Variants in COPS6 observed in about 807,000 individuals in gnomAD.
COPS6 encodes the protein COP9 signalosome subunit 6.
COPS6 carries 9 observed loss-of-function variants against 41.0 expected under a neutral mutation model. The ratio of observed to expected loss-of-function variants is 0.22; its 90% CI spans 0.13 to 0.38. COPS6 has a LOEUF of 0.38. Among genes scored for constraint, COPS6 ranks in the 10% least tolerant of loss-of-function variants. The probability of loss-of-function intolerance (pLI) is 1.00; values close to 1 mark genes in which losing one functional copy is unlikely to be tolerated. For missense variants in COPS6, 302 were observed against 436.7 expected (o/e 0.69, Z 2.75); for synonymous variants, 179 against 162.9 (o/e 1.10, Z -0.75).
At position 100,091,919 on chromosome 7, in the gene COPS6, C is replaced by T. The variant is rs889128097; in HGVS notation, c.*130C>T. Reference sequence around the variant, plus strand: ...AGCCCCTGAGCACCCCTGCTGGTGGCTCTGTCCTCTGTTAGGCACCACACT... The same window carrying T: ...AGCCCCTGAGCACCCCTGCTGGTGGTTCTGTCCTCTGTTAGGCACCACACT... On this transcript the variant is annotated 3_prime_UTR_variant, in exon 10 of 10. Coordinates refer to ENST00000303904, the MANE Select transcript of COPS6 (RefSeq NM_006833.5). This position sits in a 1 kb window ranked among gnomAD's most constrained non-coding sequence, Gnocchi z 4.1. 2 of 1,176,014 alleles carry T rather than the reference C, an allele frequency of 1.7e-6. No homozygotes were observed. Among genetic ancestry groups the T allele is most frequent in the African/African-American group, 1.5e-5 (1 of 65,460 alleles). 72.8% of individuals were successfully genotyped at this position (1,176,014 alleles called of 1,614,324 possible).
In COPS6 at chr7:100,089,689, A is replaced by G. The variant is rs565974418; in HGVS notation, c.277A>G (p.Thr93Ala). 6.2e-7 allele frequency: 1 copy of G among 1,613,962 alleles called. No homozygotes were observed. Among genetic ancestry groups the G allele is most frequent in the Admixed American group, 1.7e-5 (1 of 60,002 alleles). ...GAACTCCTTTGAGCTGCTGTCCCAC[A>G]CCGTGGAAGAGAAGATTATCATTGA... is the stretch of plus-strand genomic sequence containing the variant. ...VMNSFELLSHTVEEKIIIDKE... is the reference protein window; with the variant it reads ...VMNSFELLSHAVEEKIIIDKE... Residue 93 changes from threonine to alanine, a missense_variant, in exon 3 of 10, where the codon ACC becomes GCC. By Grantham distance (58) the Thr-to-Ala change is moderately conservative. Transcript: ENST00000303904.
At position 100,089,728 on chromosome 7, in the gene COPS6, T is replaced by C; in HGVS notation, c.316T>C (p.Tyr106His). Residue 106 changes from tyrosine to histidine, a missense_variant, in exon 3 of 10, where the codon TAC (tyrosine) becomes CAC (histidine). This residue lies in a region of COPS6 where 222 missense variants were observed against 309.0 expected (regional missense o/e 0.72). Transcript: ENST00000303904. ...GATTATCATTGACAAGGAATATTATTACACCAAGGAGGAGCAGTGTGAGAG... is the reference window on the plus strand; with the variant it reads ...GATTATCATTGACAAGGAATATTATCACACCAAGGAGGAGCAGTGTGAGAG... ...EKIIIDKEYY[Y>H]TKEEQFKQVF... The C allele has an allele frequency of 6.2e-7, 1 of 1,613,698 alleles. No homozygotes were observed. Among genetic ancestry groups the C allele is most frequent in the East Asian group, 2.2e-5 (1 of 44,864 alleles).
intron 3 of COPS6, chr7:100,089,979 C>T (rs1795288004): frequency 2.1e-6 from 1 of 475,112 alleles, no homozygotes; most frequent in South Asian, 2.6e-5. Flanking sequence ...CTAAACTGAG[C>T]CAGGATTTGA....
rs201649220 is a variant in COPS6, at chr7:100,091,139, A to C, written c.636A>C (p.Gly212=). ...HVARMTATGS[G]ENSTVAEHLI... ...CCCGAATGACAGCAACAGGCAGTGGAGAGAACTCCACTGGTAATGGAGGGG... is the reference window on the plus strand; with the variant it reads ...CCCGAATGACAGCAACAGGCAGTGGCGAGAACTCCACTGGTAATGGAGGGG... The change falls in exon 7 of 10, where the codon GGA becomes GGC. Residue 212 remains glycine, a synonymous_variant. Transcript: ENST00000303904. This position sits in a 1 kb window ranked among gnomAD's most constrained non-coding sequence, Gnocchi z 4.1. The C allele has an allele frequency of 7.6e-4, 1,220 of 1,614,192 alleles. 17 individuals carry two copies. In the South Asian group the frequency reaches 0.012, roughly 16 times the overall value.
intron 3 of COPS6, 160 bp from the exon 4 acceptor site, chr7:100,090,239 G>T: frequency 1.6e-6 from 1 of 612,780 alleles, no homozygotes; most frequent in Non-Finnish European, 2.9e-6. Context: ...TCCCAGCTAC[G>T]CGGGATGCTG....
Position 100,088,982 on chromosome 7 carries a change from G to T in COPS6, c.-9G>T. The T allele has an allele frequency of 7.6e-7, 1 of 1,315,042 alleles. No individual in the cohort carries two copies. Among genetic ancestry groups the T allele is most frequent in the Non-Finnish European group, 9.7e-7 (1 of 1,029,556 alleles). The allele number at this position is 1,315,042 out of a possible 1,614,324, so 81.5% of individuals were successfully genotyped here. A position where few individuals can be genotyped will look rare whatever the true frequency, so the allele number is the denominator to read the frequency against. ...GGGGGCGGGGCCGAGGCTGGCGGGC[G>T]CGGGGAAAATGGCGGCGGCGGCGGC... On this transcript the variant is annotated 5_prime_UTR_variant, in exon 1 of 10. Transcript: ENST00000303904.
chr7:100,089,172 C>A (rs1795276122), intron 1 of COPS6, 106 bp downstream of exon 1: 4 of 1,514,420 alleles, frequency 2.6e-6, no homozygotes, highest in South Asian at 2.6e-5. Flanking sequence ...CAACATCTTT[C>A]CCTGGGATAA....
At position 100,090,906 on chromosome 7, in the gene COPS6, C is replaced by T. The variant is rs1326114411; in HGVS notation, c.491C>T (p.Pro164Leu). Residue 164 changes from proline (P) to leucine (L), a missense_variant, in exon 6 of 10, where the codon CCT (proline) becomes CTT (leucine). By Grantham distance (98) the Pro-to-Leu change is moderately conservative (BLOSUM62 -3). This residue lies in a region of COPS6 where 222 missense variants were observed against 309.0 expected (regional missense o/e 0.72). Coordinates refer to ENST00000303904, the MANE Select transcript of COPS6 (RefSeq NM_006833.5). ...LNPMTKHTDL[P>L]VSVFESVIDI... Reference sequence around the variant, plus strand: ...GTTTCTCCGTCTCCTTCACAGCTTCCTGTCAGCGTTTTTGAGTCTGTCATT... The same window carrying T: ...GTTTCTCCGTCTCCTTCACAGCTTCTTGTCAGCGTTTTTGAGTCTGTCATT... 1 of 1,614,228 alleles carries T rather than the reference C, an allele frequency of 6.2e-7. No individual in the cohort carries two copies. Among genetic ancestry groups the T allele is most frequent in the Non-Finnish European group, 8.5e-7 (1 of 1,180,036 alleles).
Position 100,089,759 on chromosome 7 carries a change from T to C in COPS6, c.334+13T>C, listed in dbSNP as rs942257956. On this transcript the variant is annotated intron_variant, in intron 3 of 9. Coordinates refer to ENST00000303904, the MANE Select transcript of COPS6 (RefSeq NM_006833.5). ...AAGGAGGAGCAGTGTGAGAGTGGAA[T>C]AGATGTGGGGAAGAGGAGTGGGAGT... 4 of 1,611,606 alleles carry C rather than the reference T, an allele frequency of 2.5e-6. No homozygotes were observed. The highest frequency in any genetic ancestry group is 1.3e-5 in the African/African-American group (1 of 74,360).
chr7:100,091,936 C>A lies in COPS6; in HGVS notation c.*147C>A. 2 of 985,472 alleles carry A rather than the reference C, an allele frequency of 2.0e-6. No individual in the cohort carries two copies. The highest frequency in any genetic ancestry group is 3.0e-6 in the Non-Finnish European group (2 of 672,726). The allele number at this position is 985,472 out of a possible 1,614,324, so 61.0% of individuals were successfully genotyped here. On this transcript the variant is annotated 3_prime_UTR_variant, in exon 10 of 10. Transcript: ENST00000303904. The surrounding 1 kb of genome is among the most constrained non-coding windows in gnomAD (Gnocchi z 4.1). ...GCTGGTGGCTCTGTCCTCTGTTAGG[C>A]ACCACACTGGTTGGTCAACTTGGAT... is the stretch of plus-strand genomic sequence containing the variant.
chr7:100,089,459 T>A (rs1460794690), intron 2 of COPS6, 44 bp downstream of exon 2: 1 of 1,611,146 alleles, frequency 6.2e-7, no homozygotes, highest in African/African-American at 1.3e-5. Context: ...CTTGCTCACC[T>A]CCCCCAGGCA....
rs1338964142 is a variant in COPS6 at position 100,091,232 on chromosome 7, T to G, written c.650-6T>G. The G allele has an allele frequency of 6.2e-7, 1 of 1,614,226 alleles. No homozygotes were observed. The highest frequency in any genetic ancestry group is 8.5e-7 in the Non-Finnish European group (1 of 1,180,020). Reference sequence around the variant, plus strand: ...TCAACCTCCTCCTGTCCTCATCCCCTTGCAGTGGCTGAACACCTGATAGCA... The same window carrying G: ...TCAACCTCCTCCTGTCCTCATCCCCGTGCAGTGGCTGAACACCTGATAGCA... On this transcript the variant is annotated splice_polypyrimidine_tract_variant and splice_region_variant and intron_variant, in intron 7 of 9. Transcript: ENST00000303904. The surrounding 1 kb of genome is among the most constrained non-coding windows in gnomAD (Gnocchi z 4.1).
intron 3 of COPS6, 169 bp downstream of exon 3, chr7:100,089,915 T>C (rs996504293): frequency 2.0e-5 from 13 of 643,080 alleles, no homozygotes; most frequent in Middle Eastern, 8.5e-4. Flanking sequence ...TCAGAGTTCT[T>C]TCTCAAAAGA....
At chr7:100,090,803 C>G in intron 5 of COPS6, 99 bp from the exon 6 acceptor site, 1 of 1,491,638 alleles carries the variant, frequency 6.7e-7, no homozygotes, top group Non-Finnish European at 9.3e-7. Flanking sequence ...GAGGTAATCC[C>G]TACTTCATTG....
At chr7:100,090,035 T>C (rs1795288652) in intron 3 of COPS6, 2 of 437,758 alleles carry the variant, frequency 4.6e-6, no homozygotes, top group East Asian at 9.0e-5. Flanking sequence ...AGCTTCACAT[T>C]GAGGAAGGAT....
At position 100,091,613 on chromosome 7, in the gene COPS6, G is replaced by T. The variant is rs901953261; in HGVS notation, c.844-36G>T. 2.5e-6 allele frequency: 4 copies of T among 1,613,818 alleles called. No homozygotes were observed. Among genetic ancestry groups the T allele is most frequent in the Admixed American group, 3.3e-5 (2 of 59,996 alleles). On this transcript the variant is annotated intron_variant, in intron 9 of 9. Coordinates refer to ENST00000303904, the MANE Select transcript of COPS6 (RefSeq NM_006833.5). This position sits in a 1 kb window ranked among gnomAD's most constrained non-coding sequence, Gnocchi z 4.1. ...GTTGTTCCCCGGGCATGCCACGAGG[G>T]ATCCCGAGGAACTGGTCCTTTCTGT...
chr7:100,089,214 C>G, intron 1 of COPS6, 76 bp from the exon 2 acceptor site: 1 of 1,544,340 alleles, frequency 6.5e-7, no homozygotes, highest in East Asian at 2.3e-5. Flanking sequence ...CCGGGCTCCG[C>G]CGTCCCCCAC....
In COPS6 at chr7:100,091,873, T is replaced by G; in HGVS notation, c.*84T>G. ...ACTACACTTCCTTGAGAGAAACCGC[T>G]GTCATTAATAAAAGGGGAGCAGCCC... is the stretch of plus-strand genomic sequence containing the variant. On this transcript the variant is annotated 3_prime_UTR_variant, in exon 10 of 10. Coordinates refer to ENST00000303904, the MANE Select transcript of COPS6 (RefSeq NM_006833.5). This position sits in a 1 kb window ranked among gnomAD's most constrained non-coding sequence, Gnocchi z 4.1. 5 of 1,567,328 alleles carry G rather than the reference T, an allele frequency of 3.2e-6. No individual in the cohort carries two copies. Among genetic ancestry groups the G allele is most frequent in the Non-Finnish European group, 4.4e-6 (5 of 1,145,806 alleles).
In COPS6 at chr7:100,091,583, G is replaced by C. The variant is rs1795321035; in HGVS notation, c.843+63G>C. 1 of 1,613,840 alleles carries C rather than the reference G, an allele frequency of 6.2e-7. No homozygotes were observed. On this transcript the variant is annotated intron_variant, in intron 9 of 9. Transcript: ENST00000303904. This position sits in a 1 kb window ranked among gnomAD's most constrained non-coding sequence, Gnocchi z 4.1. Reference sequence around the variant, plus strand: ...CTGTCACTTTCACGTGCAGGACTGGGGACTGTTGTTCCCCGGGCATGCCAC... The same window carrying C: ...CTGTCACTTTCACGTGCAGGACTGGCGACTGTTGTTCCCCGGGCATGCCAC...
Sources: allele counts gnomAD v4.1 joint callset, GRCh38; gene constraint gnomAD v4.1.1; regional missense constraint gnomAD v4.1.1; non-coding constraint Gnocchi (gnomAD v3.1); transcripts MANE v1.5; gene names NCBI Gene and HGNC (gene_info 2026-07-23, HGNC 2026-07-21).